The following TMEM38B variants were observed in gnomAD, a reference collection of about 807,000 sequenced individuals.
The protein encoded by TMEM38B is trimeric intracellular cation channel type B.
In TMEM38B, 24 loss-of-function variants were observed where a neutral mutation model predicts 28.7. The ratio of observed to expected loss-of-function variants is 0.84; its 90% CI spans 0.61 to 1.18. The LOEUF (loss-of-function observed/expected upper bound fraction) is 1.18, where lower values mean the gene tolerates loss of function less well. TMEM38B is among the 50% of genes most tolerant of loss of function. TMEM38B has a pLI of 0.00. For missense variants in TMEM38B, 380 were observed against 350.9 expected, an observed-to-expected ratio of 1.08 and a Z score of -0.66; for synonymous variants, 131 against 127.7, an observed-to-expected ratio of 1.03 and a Z score of -0.17.
chr9:105,721,420 T>A, intron 2 of TMEM38B, 117 bp from the exon 3 acceptor site: 2 of 786,984 alleles, frequency 2.5e-6, no homozygotes, highest in Non-Finnish European at 3.9e-6. Context: ...GTTAAATGTT[T>A]ATATGGAAAA....
At chr9:105,729,937 A>G (rs1588426516) in intron 4 of TMEM38B, among the ~76,000 whole-genome samples, 2 of 152,066 alleles carry the variant, frequency 1.3e-5, no homozygotes, top group Non-Finnish European at 2.9e-5. Flanking sequence ...TGTATCCTGA[A>G]AATTTGCTGA....
intron 5 of TMEM38B, 42 bp downstream of exon 5, chr9:105,748,232 A>G (rs373684491): frequency 7.1e-6 from 10 of 1,408,906 alleles, no homozygotes; most frequent in Non-Finnish European, 1.0e-5. Flanking sequence ...AATCCTGTAT[A>G]ACTATTCCCC....
intron 4 of TMEM38B, among the ~76,000 whole-genome samples, chr9:105,734,518 G>A (rs1836894972): frequency 6.6e-6 from 1 of 151,982 alleles, no homozygotes. Context: ...TGGTTGATAT[G>A]TGTTGAAAGT....
At chr9:105,718,260 T>G (rs1238981665) in intron 2 of TMEM38B, among the ~76,000 whole-genome samples, 1 of 151,672 alleles carries the variant, frequency 6.6e-6, no homozygotes, top group Non-Finnish European at 1.5e-5. Context: ...TTTTTTTAGA[T>G]GGGGTCTTGC....
chr9:105,773,723 G>T, intron 5 of TMEM38B, 142 bp from the exon 6 acceptor site: 2 of 706,316 alleles, frequency 2.8e-6, no homozygotes, highest in Non-Finnish European at 4.6e-6. Context: ...GGAGAACAGA[G>T]ATTTTACCAG....
intron 4 of TMEM38B, among the ~76,000 whole-genome samples, chr9:105,731,916 CCCA>C (rs1836764496): frequency 1.3e-5 from 2 of 152,116 alleles, no homozygotes; most frequent in Admixed American, 1.3e-4. Flanking sequence ...AGTTTACAGT[CCCA>C]CCAACAGTGT....
At chr9:105,715,077 T>C (rs1214227669) in intron 2 of TMEM38B, among the ~76,000 whole-genome samples, 1 of 152,208 alleles carries the variant, frequency 6.6e-6, no homozygotes, top group Non-Finnish European at 1.5e-5. Context: ...GTGATTAAAT[T>C]AATATATTCT....
intron 1 of TMEM38B, among the ~76,000 whole-genome samples, chr9:105,704,584 G>A (rs1227584595): frequency 6.6e-6 from 1 of 151,664 alleles, no homozygotes; most frequent in Non-Finnish European, 1.5e-5. Flanking sequence ...CCCTCAGTTT[G>A]GGTTTGTCTG....
At chr9:105,744,619 G>C (rs1837322773) in intron 4 of TMEM38B, among the ~76,000 whole-genome samples, 2 of 150,794 alleles carry the variant, frequency 1.3e-5, no homozygotes, top group South Asian at 2.1e-4. Context: ...AAGTTTTAGG[G>C]TACATGTGCA....
chr9:105,697,307 A>T (rs1307217447), intron 1 of TMEM38B, among the ~76,000 whole-genome samples: 2 of 152,230 alleles, frequency 1.3e-5, no homozygotes, highest in African/African-American at 4.8e-5. Context: ...GAACCACGTG[A>T]TTATTGAATA....
chr9:105,730,349 C>G (rs182669022), intron 4 of TMEM38B, among the ~76,000 whole-genome samples: 28 of 151,356 alleles, frequency 1.8e-4, no homozygotes, highest in Admixed American at 1.2e-3. Context: ...GTGGTTTTTT[C>G]GTTGGTCCTG....
intron 4 of TMEM38B, among the ~76,000 whole-genome samples, chr9:105,733,784 C>A (rs1836863466): frequency 1.3e-5 from 2 of 151,796 alleles, no homozygotes; most frequent in African/African-American, 4.8e-5. Flanking sequence ...GCTTATTATT[C>A]TTTTTATTTC....
chr9:105,695,525 AGTAGTT>A (rs924508133), intron 1 of TMEM38B, among the ~76,000 whole-genome samples: 27 of 152,164 alleles, frequency 1.8e-4, no homozygotes, highest in Non-Finnish European at 2.9e-4. Flanking sequence ...ATCAAGGGAC[AGTAGTT>A]GTATTTTATT....
At chr9:105,734,801 A>G (rs1040250211) in intron 4 of TMEM38B, among the ~76,000 whole-genome samples, 10 of 149,470 alleles carry the variant, frequency 6.7e-5, no homozygotes, top group African/African-American at 2.0e-4. Context: ...TCATTCATTT[A>G]CTTTCAGCCT....
At chr9:105,752,610 C>T (rs1393555582) in intron 5 of TMEM38B, among the ~76,000 whole-genome samples, 4 of 152,130 alleles carry the variant, frequency 2.6e-5, no homozygotes, top group East Asian at 1.9e-4. Context: ...CTGTTAAAAA[C>T]AAACAGAAAA....
At chr9:105,716,656 T>TACCCTC (rs879344507) in intron 2 of TMEM38B, among the ~76,000 whole-genome samples, 27,342 of 151,922 alleles carry the variant, frequency 0.18, 3,517 homozygotes, top group East Asian at 0.46. Context: ...TGTGCAGATT[T>TACCCTC]TCTTCTGCCT....
intron 2 of TMEM38B, among the ~76,000 whole-genome samples, chr9:105,711,689 G>A (rs973396307): frequency 1.3e-5 from 2 of 151,188 alleles, no homozygotes; most frequent in Non-Finnish European, 3.0e-5. Context: ...GTGTCGTGAC[G>A]CATGCCTGTA....
At chr9:105,760,181 G>A (rs775062108) in intron 5 of TMEM38B, 9 of 917,686 alleles carry the variant, frequency 9.8e-6, no homozygotes, top group South Asian at 3.9e-5. Flanking sequence ...CTTTTAATGC[G>A]TATGATTTCC....
intron 1 of TMEM38B, chr9:105,701,533 G>A (rs1298048829): frequency 1.3e-5 from 2 of 152,166 alleles, no homozygotes; most frequent in South Asian, 2.1e-4. Context: ...ATTTGACCCC[G>A]TAAAAATACT....
Sources: allele counts gnomAD v4.1 joint callset (sites outside exome capture counted in the v4.1 genomes callset), GRCh38; gene constraint gnomAD v4.1.1; transcripts MANE v1.5; gene names NCBI Gene and HGNC (gene_info 2026-07-23, HGNC 2026-07-21).